CNTN4: variants seen among roughly 807,000 people sequenced by gnomAD.
The protein encoded by CNTN4 is contactin-4.
In CNTN4, 77 loss-of-function variants were observed where a neutral mutation model predicts 122.5. The ratio of observed to expected loss-of-function variants is 0.63; its 90% CI spans 0.52 to 0.76. The LOEUF is 0.76. Ranked by LOEUF, CNTN4 falls within the 30% of genes least tolerant of loss-of-function variation. CNTN4 has a pLI of 0.00. For missense variants in CNTN4, 1,256 were observed against 1,259.1 expected (o/e 1.00, Z 0.04); for synonymous variants, 512 against 447.0 (o/e 1.15, Z -1.83).
intron 3 of CNTN4, among the ~76,000 whole-genome samples, chr3:2,398,663 G>T (rs867494821): frequency 3.3e-5 from 5 of 152,078 alleles, no homozygotes; most frequent in Non-Finnish European, 4.4e-5. Context: ...ATTTTGTTCA[G>T]TATTAAAACA....
intron 3 of CNTN4, among the ~76,000 whole-genome samples, chr3:2,527,269 C>T (rs1254403749): frequency 6.6e-6 from 1 of 152,204 alleles, no homozygotes; most frequent in Non-Finnish European, 1.5e-5. Context: ...CCTGTTTCAT[C>T]TTTTTATGTG....
chr3:2,392,956 G>A (rs1407300869), intron 3 of CNTN4, among the ~76,000 whole-genome samples: 2 of 151,962 alleles, frequency 1.3e-5, no homozygotes, highest in Non-Finnish European at 2.9e-5. Context: ...GTTTCTTAGG[G>A]CTCTTGTAAC....
chr3:2,277,556 C>T (rs2041562425), intron 2 of CNTN4, among the ~76,000 whole-genome samples: 1 of 152,176 alleles, frequency 6.6e-6, no homozygotes, highest in Non-Finnish European at 1.5e-5. Flanking sequence ...CCAACGTTCA[C>T]AGCTGGACAT....
chr3:2,928,232 C>G (rs1315042712), intron 13 of CNTN4, among the ~76,000 whole-genome samples: 2 of 152,088 alleles, frequency 1.3e-5, no homozygotes, highest in Admixed American at 1.3e-4. Flanking sequence ...GCTTATAGAC[C>G]AAGTTTACTT....
At chr3:2,354,339 T>A (rs760674894) in intron 3 of CNTN4, among the ~76,000 whole-genome samples, 29 of 152,286 alleles carry the variant, frequency 1.9e-4, no homozygotes, top group Non-Finnish European at 2.6e-4. Flanking sequence ...AATACCAGGC[T>A]GGCCAATGTG....
chr3:3,003,701 A>C (rs760931630), intron 14 of CNTN4, among the ~76,000 whole-genome samples: 11,886 of 144,504 alleles, frequency 0.082, 663 homozygotes, highest in African/African-American at 0.16. Context: ...AAAAAAAAAA[A>C]AAAAAAAAAA....
chr3:2,988,914 A>G, intron 14 of CNTN4: 1 of 231,282 alleles, frequency 4.3e-6, no homozygotes, highest in African/African-American at 2.3e-5. Flanking sequence ...ATTCAGAGAT[A>G]TGGATATGGC....
intron 2 of CNTN4, among the ~76,000 whole-genome samples, chr3:2,138,931 C>G (rs1417653208): frequency 6.6e-6 from 1 of 152,152 alleles, no homozygotes; most frequent in East Asian, 1.9e-4. Flanking sequence ...CTGGAGAGCT[C>G]TGACTAATAG....
intron 7 of CNTN4, among the ~76,000 whole-genome samples, chr3:2,863,398 C>G (rs2093690019): frequency 6.7e-6 from 1 of 148,486 alleles, no homozygotes; most frequent in African/African-American, 2.5e-5. Flanking sequence ...GGTTAGGTTC[C>G]TTAGCATCTT....
intron 2 of CNTN4, among the ~76,000 whole-genome samples, chr3:2,235,319 A>T (rs1406510786): frequency 6.6e-6 from 1 of 152,222 alleles, no homozygotes; most frequent in African/African-American, 2.4e-5. Context: ...CAGCTTATTA[A>T]TATCCAAGTT....
At chr3:2,367,568 A>G (rs1240167676) in intron 3 of CNTN4, among the ~76,000 whole-genome samples, 1 of 152,150 alleles carries the variant, frequency 6.6e-6, no homozygotes, top group African/African-American at 2.4e-5. Context: ...CTTGTTGCCC[A>G]GGCTAGAGTG....
chr3:2,300,799 G>C (rs1031326122), intron 2 of CNTN4, among the ~76,000 whole-genome samples: 1 of 151,894 alleles, frequency 6.6e-6, no homozygotes, highest in Non-Finnish European at 1.5e-5. Context: ...TCCATCAACA[G>C]ACCTTGTGAT....
At chr3:2,615,606 GC>G (rs2081688257) in intron 4 of CNTN4, among the ~76,000 whole-genome samples, 1 of 152,106 alleles carries the variant, frequency 6.6e-6, no homozygotes, top group Non-Finnish European at 1.5e-5. Context: ...GGGCTAAGCA[GC>G]TTTATTGAAG....
rs550996515 is a variant in CNTN4, at chr3:2,697,206, C to A, written c.56-39009C>A. On this transcript the variant is annotated intron_variant, in intron 4 of 24. Transcript: ENST00000418658. ...TGTAATTAAGGAGATCATGCATATG[C>A]TCCTGGAAAGAGAGCCTGTAGTATT... Among the ~76,000 whole-genome samples the A allele has an allele frequency of 3.3e-5, 5 of 152,286 alleles. No homozygotes were observed. In the South Asian group the frequency reaches 8.3e-4, roughly 25 times the overall value.
chr3:2,583,599 C>T (rs2080045742), intron 4 of CNTN4, among the ~76,000 whole-genome samples: 1 of 152,112 alleles, frequency 6.6e-6, no homozygotes, highest in Admixed American at 6.5e-5. Context: ...GGTGAATGCC[C>T]ATGCAGTTTT....
At chr3:2,580,173 G>T (rs1024691916) in intron 4 of CNTN4, among the ~76,000 whole-genome samples, 2 of 152,130 alleles carry the variant, frequency 1.3e-5, no homozygotes, top group South Asian at 4.1e-4. Context: ...TCAGGACTAA[G>T]TATCAGTTGC....
chr3:2,253,324 C>G (rs972613770), intron 2 of CNTN4, among the ~76,000 whole-genome samples: 5 of 151,988 alleles, frequency 3.3e-5, no homozygotes, highest in African/African-American at 1.2e-4. Flanking sequence ...TAAAAGTAGC[C>G]TTATAGCCTT....
chr3:2,195,854 T>G (rs2037809682), intron 2 of CNTN4, among the ~76,000 whole-genome samples: 1 of 152,206 alleles, frequency 6.6e-6, no homozygotes, highest in African/African-American at 2.4e-5. Flanking sequence ...CTAAATGAAC[T>G]TATTTCTGGA....
intron 4 of CNTN4, among the ~76,000 whole-genome samples, chr3:2,712,397 A>G (rs2149345043): frequency 6.6e-6 from 1 of 152,364 alleles, no homozygotes; most frequent in Middle Eastern, 3.4e-3. Flanking sequence ...AAATTCTATT[A>G]GCTAGTATAG....
Sources: gnomAD v4.1 joint callset for allele counts (sites outside exome capture counted in the v4.1 genomes callset) on GRCh38, gnomAD v4.1.1 for gene constraint, MANE v1.5 for transcripts, NCBI Gene and HGNC (gene_info 2026-07-23, HGNC 2026-07-21) for gene names.